TMEM144: variants seen among roughly 807,000 people sequenced by gnomAD.
TMEM144 encodes transmembrane protein 144.
A neutral mutation model predicts 43.6 loss-of-function variants in TMEM144; 39 were observed. That is an observed-to-expected ratio of 0.90 (90% confidence interval 0.69 to 1.17). TMEM144 has a LOEUF of 1.17. Ranked by LOEUF, TMEM144 falls within the 50% of genes most tolerant of loss-of-function variation. The pLI, the probability that TMEM144 is intolerant of heterozygous loss-of-function variation, is 0.00. For missense variants in TMEM144, 417 were observed against 411.9 expected (o/e 1.01, Z -0.11); for synonymous variants, 154 against 133.6 (o/e 1.15, Z -1.06).
At chr4:158,215,001 C>A (rs1734145435) in intron 3 of TMEM144, among the ~76,000 whole-genome samples, 190 bp from the exon 4 acceptor site, 1 of 152,174 alleles carries the variant, frequency 6.6e-6, no homozygotes, top group South Asian at 2.1e-4. Context: ...ATTGAAGATT[C>A]ATTTTCTCTA....
chr4:158,237,630 G>C lies in TMEM144; in HGVS notation c.669G>C (p.Gly223=). Residue 223 remains glycine (G), a synonymous_variant, in exon 9 of 13, where the codon GGG becomes GGC. Coordinates refer to ENST00000296529, the MANE Select transcript of TMEM144 (RefSeq NM_018342.5). ...AAAGAAATGATAGTATATATGCAGG[G>C]GCAAGCCAATATGGTGAGAATAAAA... The part of the protein sequence containing the change: ...HSKRNDSIYA[G]ASQYDLDYVF... 1 of 1,608,840 alleles carries C rather than the reference G, an allele frequency of 6.2e-7. No individual in the cohort carries two copies. Among genetic ancestry groups the C allele is most frequent in the South Asian group, 1.1e-5 (1 of 90,498 alleles).
In TMEM144 at chr4:158,232,900, G is replaced by C; in HGVS notation, c.414-1G>C. 1 of 1,603,800 alleles carries C rather than the reference G, an allele frequency of 6.2e-7. No homozygotes were observed. The highest frequency in any genetic ancestry group is 8.5e-7 in the Non-Finnish European group (1 of 1,174,148). On this transcript the variant is annotated splice_acceptor_variant, in intron 6 of 12. Coordinates refer to ENST00000296529, the MANE Select transcript of TMEM144 (RefSeq NM_018342.5). LOFTEE classifies it high-confidence loss of function. ...ATCACTAAAATTTATTTTCCTTACA[G>C]TGCTTTCATATTTTTGTTCATCAAA...
At chr4:158,217,933 G>A (rs763129673) in intron 5 of TMEM144, among the ~76,000 whole-genome samples, 11 of 152,098 alleles carry the variant, frequency 7.2e-5, no homozygotes, top group East Asian at 1.9e-4. Flanking sequence ...TATAAATAAC[G>A]TTTTATCAGA....
At chr4:158,233,183 G>A (rs1735169458) in intron 7 of TMEM144, 2 of 438,582 alleles carry the variant, frequency 4.6e-6, no homozygotes, top group South Asian at 4.2e-5. Context: ...GCAAGCACAC[G>A]GGTTTATTTA....
chr4:158,242,792 T>A (rs931651409), intron 11 of TMEM144, among the ~76,000 whole-genome samples: 8 of 152,216 alleles, frequency 5.3e-5, no homozygotes, highest in Admixed American at 1.3e-4. Context: ...TTCACTTTGT[T>A]TTCAAAGGCT....
chr4:158,244,457 G>A, intron 12 of TMEM144, 108 bp downstream of exon 12: 1 of 824,580 alleles, frequency 1.2e-6, no homozygotes, highest in East Asian at 2.9e-5. Flanking sequence ...GGATCGTGAG[G>A]TTAGGAGTTC....
intron 12 of TMEM144, among the ~76,000 whole-genome samples, chr4:158,248,921 T>C (rs1175544833): frequency 6.6e-6 from 1 of 152,214 alleles, no homozygotes; most frequent in Non-Finnish European, 1.5e-5. Context: ...TTTGTTTGTT[T>C]TTTGAGATGG....
At chr4:158,221,716 T>A (rs539093733) in intron 6 of TMEM144, among the ~76,000 whole-genome samples, 1 of 152,348 alleles carries the variant, frequency 6.6e-6, no homozygotes, top group East Asian at 1.9e-4. Context: ...TTATTTTACC[T>A]TGTGAGGAAA....
At chr4:158,210,846 T>C (rs1366071901) in intron 1 of TMEM144, 1 of 152,194 alleles carries the variant, frequency 6.6e-6, no homozygotes, top group African/African-American at 2.4e-5. Flanking sequence ...TTTCAAAGTC[T>C]GCGTAGAAGT....
chr4:158,220,271 A>T (rs918857819), intron 6 of TMEM144, among the ~76,000 whole-genome samples: 4 of 152,212 alleles, frequency 2.6e-5, no homozygotes, highest in Non-Finnish European at 5.9e-5. Flanking sequence ...ATTATTCTAA[A>T]ATAGCAGATT....
intron 6 of TMEM144, among the ~76,000 whole-genome samples, chr4:158,229,048 G>A (rs10014615): frequency 0.68 from 103,901 of 151,876 alleles, 35,815 homozygotes; most frequent in East Asian, 0.88. Flanking sequence ...GAATCTATAG[G>A]TAACATAACC....
intron 6 of TMEM144, among the ~76,000 whole-genome samples, chr4:158,231,755 G>A (rs1213696058): frequency 6.6e-6 from 1 of 152,156 alleles, no homozygotes; most frequent in African/African-American, 2.4e-5. Flanking sequence ...GGAGTGGTCA[G>A]GCATAGAAGC....
intron 6 of TMEM144, among the ~76,000 whole-genome samples, chr4:158,226,142 G>A (rs1734755855): frequency 6.6e-6 from 1 of 152,200 alleles, no homozygotes; most frequent in Admixed American, 6.5e-5. Flanking sequence ...AATTGCTAAA[G>A]TTTGTTTTAA....
rs1736362055 is a variant in TMEM144, at chr4:158,254,268, A to G, written c.*741A>G. 6.6e-6 allele frequency: 1 copy of G among 152,176 alleles called. No individual in the cohort carries two copies. Among genetic ancestry groups the G allele is most frequent in the African/African-American group, 2.4e-5 (1 of 41,448 alleles). The allele number at this position is 152,176 out of a possible 1,614,324, so 9.4% of individuals were successfully genotyped here. A position where few individuals can be genotyped will look rare whatever the true frequency, so the allele number is the denominator to read the frequency against. ...CACACAGATATGTTGCTAAAGTGAG[A>G]TTGTAGGTTATCAGTAACAATTTAA... is the stretch of plus-strand genomic sequence containing the variant. On this transcript the variant is annotated 3_prime_UTR_variant, in exon 13 of 13. Transcript: ENST00000296529.
chr4:158,229,731 A>T (rs1337599580), intron 6 of TMEM144, among the ~76,000 whole-genome samples: 1 of 152,164 alleles, frequency 6.6e-6, no homozygotes, highest in Non-Finnish European at 1.5e-5. Context: ...CCGCCCAGTG[A>T]GAAAGGATGG....
intron 6 of TMEM144, 23 bp from the exon 7 acceptor site, chr4:158,232,878 A>G: frequency 1.3e-6 from 2 of 1,534,064 alleles, no homozygotes; most frequent in Non-Finnish European, 1.8e-6. Context: ...GATAAATATC[A>G]CTAAAATTTA....
At chr4:158,210,755 A>G (rs1733917074) in intron 1 of TMEM144, 169 bp downstream of exon 1, 1 of 152,236 alleles carries the variant, frequency 6.6e-6, no homozygotes, top group Admixed American at 6.5e-5. Flanking sequence ...GAGATTTGGG[A>G]AAATCAACAT....
At chr4:158,250,795 C>T (rs371899425) in intron 12 of TMEM144, among the ~76,000 whole-genome samples, 40 of 152,264 alleles carry the variant, frequency 2.6e-4, no homozygotes, top group African/African-American at 9.1e-4. Flanking sequence ...CTCTAACAGC[C>T]CAGGGTCCTG....
intron 12 of TMEM144, among the ~76,000 whole-genome samples, chr4:158,244,595 G>A (rs953895962): frequency 9.9e-5 from 15 of 152,088 alleles, no homozygotes; most frequent in Non-Finnish European, 8.8e-5. Flanking sequence ...GCTTGAACCC[G>A]GGAGGCGGAG....
Sources: allele counts gnomAD v4.1 joint callset (sites outside exome capture counted in the v4.1 genomes callset), GRCh38; gene constraint gnomAD v4.1.1; transcripts MANE v1.5; gene names NCBI Gene and HGNC (gene_info 2026-07-23, HGNC 2026-07-21).